ELAVL4: variants seen among roughly 807,000 people sequenced by gnomAD.
ELAVL4 encodes ELAV-like protein 4.
In ELAVL4, 1 loss-of-function variant was observed where a neutral mutation model predicts 35.6. The observed-to-expected ratio is 0.03, with a 90% CI of 0.01 to 0.13. The LOEUF is 0.13. Among genes scored for constraint, ELAVL4 ranks in the 10% least tolerant of loss-of-function variants. ELAVL4 has a pLI of 1.00. For synonymous variants in ELAVL4, 156 were observed against 171.0 expected (o/e 0.91, Z 0.69); for missense variants, 267 against 464.9 (o/e 0.57, Z 3.91).
At chr1:50,061,619 G>C (rs1663978407) in intron 1 of ELAVL4, among the ~76,000 whole-genome samples, 1 of 152,196 alleles carries the variant, frequency 6.6e-6, no homozygotes, top group South Asian at 2.1e-4. Flanking sequence ...TTAAGAGGAA[G>C]CTTATGTTTG....
At chr1:50,094,586 A>G (rs1665631892) in intron 1 of ELAVL4, among the ~76,000 whole-genome samples, 1 of 151,962 alleles carries the variant, frequency 6.6e-6, no homozygotes, top group Non-Finnish European at 1.5e-5. Flanking sequence ...TCCATTGTTA[A>G]TTGTTGTACT....
intron 2 of ELAVL4, among the ~76,000 whole-genome samples, chr1:50,156,613 C>T (rs561026832): frequency 8.5e-5 from 13 of 152,198 alleles, no homozygotes; most frequent in South Asian, 4.2e-4. Flanking sequence ...TGTTAGATGC[C>T]GCCTTATATT....
chr1:50,067,836 A>G (rs372729420), intron 1 of ELAVL4, among the ~76,000 whole-genome samples: 3 of 152,176 alleles, frequency 2.0e-5, no homozygotes, highest in African/African-American at 4.8e-5. Flanking sequence ...CGAAGCACAC[A>G]TGTCCTTCTT....
At chr1:50,099,390 G>A (rs1665859518), upstream of ELAVL4, among the ~76,000 whole-genome samples, 1 of 151,824 alleles carries the variant, frequency 6.6e-6, no homozygotes, top group South Asian at 2.1e-4. Flanking sequence ...GAGAAATCCT[G>A]TCTCTATTAA....
intron 1 of ELAVL4, among the ~76,000 whole-genome samples, chr1:50,125,293 T>C (rs1669714674): frequency 6.6e-6 from 1 of 152,034 alleles, no homozygotes; most frequent in Non-Finnish European, 1.5e-5. Context: ...TTTTATAATT[T>C]CACATAGTGA....
intron 1 of ELAVL4, among the ~76,000 whole-genome samples, chr1:50,058,377 G>A (rs1485362045): frequency 6.6e-6 from 1 of 152,084 alleles, no homozygotes; most frequent in Non-Finnish European, 1.5e-5. Flanking sequence ...AGGATATATA[G>A]GAGGAAACCA....
chr1:50,184,236 A>G lies in ELAVL4; in HGVS notation c.354+7044A>G, dbSNP rs540148317. Among the ~76,000 whole-genome samples, 15 of 152,254 alleles carry G rather than the reference A, an allele frequency of 9.9e-5. 1 individual carries two copies. The South Asian group carries it at 3.1e-3, about 32-fold the overall frequency. On this transcript the variant is annotated intron_variant, in intron 3 of 6. Coordinates refer to ENST00000371824, the MANE Select transcript of ELAVL4 (RefSeq NM_001144774.3). ...TCAGTGAAGGTGATACGTTCCCAGT[A>G]TCTTGAAGTTCATTCATAGTGTCCT...
upstream of ELAVL4, among the ~76,000 whole-genome samples, chr1:50,106,717 G>A (rs371620015): frequency 6.6e-6 from 1 of 152,250 alleles, no homozygotes; most frequent in Admixed American, 6.5e-5. Flanking sequence ...GGCCTCTGAG[G>A]ACATTTGTGC....
intron 1 of ELAVL4, among the ~76,000 whole-genome samples, chr1:50,082,904 A>G (rs1665074288): frequency 6.6e-6 from 1 of 152,118 alleles, no homozygotes; most frequent in Non-Finnish European, 1.5e-5. Flanking sequence ...GTATTTACAA[A>G]CCAACCTTCA....
At chr1:50,135,330 A>T (rs1671708983) in intron 1 of ELAVL4, among the ~76,000 whole-genome samples, 1 of 152,234 alleles carries the variant, frequency 6.6e-6, no homozygotes, top group Non-Finnish European at 1.5e-5. Flanking sequence ...GTAGGCATTT[A>T]TACCAGGAAA....
Position 50,092,245 on chromosome 1 carries a change from C to A in ELAVL4, c.18+44063C>A, listed in dbSNP as rs188920316. ...AAACACAAAAAGAGCATGGTAAGTT[C>A]TTCCTTAGAAGGTCAGGGATGATGT... On this transcript the variant is annotated intron_variant, in intron 1 of 6. Transcript: ENST00000448907. Among the ~76,000 whole-genome samples the A allele has an allele frequency of 7.4e-4, 112 of 152,296 alleles. 1 individual carries two copies. The highest frequency in any genetic ancestry group is 2.6e-3 in the African/African-American group (107 of 41,578).
intron 2 of ELAVL4, among the ~76,000 whole-genome samples, chr1:50,151,313 T>C (rs1286615855): frequency 6.6e-6 from 1 of 152,230 alleles, no homozygotes; most frequent in East Asian, 1.9e-4. Flanking sequence ...GAGCTCAGAA[T>C]CTTTTGTTTT....
At chr1:50,094,136 T>C (rs917375671) in intron 1 of ELAVL4, among the ~76,000 whole-genome samples, 4 of 152,214 alleles carry the variant, frequency 2.6e-5, no homozygotes, top group Admixed American at 6.5e-5. Flanking sequence ...AGCAGCGATT[T>C]GGAAGCTTTG....
At chr1:50,126,674 A>G (rs1404646505) in intron 1 of ELAVL4, among the ~76,000 whole-genome samples, 1 of 152,124 alleles carries the variant, frequency 6.6e-6, no homozygotes, top group Non-Finnish European at 1.5e-5. Context: ...ACTGATTAAA[A>G]TCAATTTACC....
chr1:50,055,416 C>T (rs1663606949), intron 1 of ELAVL4, among the ~76,000 whole-genome samples: 1 of 152,054 alleles, frequency 6.6e-6, no homozygotes, highest in Non-Finnish European at 1.5e-5. Flanking sequence ...GCTCCTTCCT[C>T]AGCCTCCCGA....
chr1:50,149,702 C>A (rs1279118936), intron 2 of ELAVL4, among the ~76,000 whole-genome samples: 2 of 151,940 alleles, frequency 1.3e-5, no homozygotes, highest in African/African-American at 4.8e-5. Context: ...CGCCACCACG[C>A]CTGGCTAATT....
At chr1:50,176,733 T>C (rs1219646891) in intron 2 of ELAVL4, among the ~76,000 whole-genome samples, 1 of 152,214 alleles carries the variant, frequency 6.6e-6, no homozygotes, top group African/African-American at 2.4e-5. Context: ...GACTCCAGTT[T>C]AAGTCTCTTC....
chr1:50,164,739 C>T (rs1677436909), intron 2 of ELAVL4, among the ~76,000 whole-genome samples: 1 of 152,192 alleles, frequency 6.6e-6, no homozygotes. Flanking sequence ...TACCAACTTC[C>T]TATGGACATG....
chr1:50,063,323 C>A (rs1664095734), intron 1 of ELAVL4, among the ~76,000 whole-genome samples: 1 of 152,068 alleles, frequency 6.6e-6, no homozygotes, highest in Non-Finnish European at 1.5e-5. Flanking sequence ...CTGCTACTTA[C>A]AGTTTTGCCT....
Sources: allele counts gnomAD v4.1 joint callset (sites outside exome capture counted in the v4.1 genomes callset), GRCh38; gene constraint gnomAD v4.1.1; transcripts MANE v1.5; gene names NCBI Gene and HGNC (gene_info 2026-07-23, HGNC 2026-07-21).